The following THSD7B variants were observed in gnomAD, a reference collection of about 807,000 sequenced individuals.
The protein encoded by THSD7B is thrombospondin type 1 domain containing 7B.
THSD7B carries 138 observed loss-of-function variants against 213.6 expected under a neutral mutation model. That is an observed-to-expected ratio of 0.65 (90% CI 0.56 to 0.74). THSD7B has a LOEUF of 0.74. Among genes scored for constraint, THSD7B ranks in the 30% least tolerant of loss-of-function variants. The pLI is 0.00. For synonymous variants in THSD7B, 742 were observed against 687.0 expected (o/e 1.08, Z -1.25); for missense variants, 1,931 against 1,991.5 (o/e 0.97, Z 0.58).
chr2:137,549,589 C>T (rs1680807099), intron 15 of THSD7B, among the ~76,000 whole-genome samples: 2 of 152,042 alleles, frequency 1.3e-5, no homozygotes, highest in South Asian at 2.1e-4. Context: ...TACAATACAG[C>T]GTTGTTATCT....
At chr2:136,935,258 C>A (rs1021684691) in intron 2 of THSD7B, among the ~76,000 whole-genome samples, 1 of 152,000 alleles carries the variant, frequency 6.6e-6, no homozygotes, top group Non-Finnish European at 1.5e-5. Flanking sequence ...TTGAGTGAGA[C>A]CCTTTTGAAC....
chr2:137,036,699 AAT>A (rs1472704746), intron 2 of THSD7B, among the ~76,000 whole-genome samples: 5 of 152,142 alleles, frequency 3.3e-5, no homozygotes, highest in Non-Finnish European at 7.4e-5. Flanking sequence ...CAAGTAGGGG[AAT>A]ATTGCTGAAA....
chr2:136,941,096 A>G (rs908435844), intron 2 of THSD7B, among the ~76,000 whole-genome samples: 12 of 152,022 alleles, frequency 7.9e-5, no homozygotes, highest in African/African-American at 2.9e-4. Flanking sequence ...ATGAGTGAGA[A>G]CATGTGGTGT....
chr2:137,582,582 A>G (rs764765091), intron 17 of THSD7B, among the ~76,000 whole-genome samples: 1 of 147,814 alleles, frequency 6.8e-6, no homozygotes, highest in Non-Finnish European at 1.5e-5. Flanking sequence ...GAGTGAGAAC[A>G]TGTGGTGTTT....
At chr2:137,556,292 G>C (rs1680965092) in intron 15 of THSD7B, among the ~76,000 whole-genome samples, 1 of 152,192 alleles carries the variant, frequency 6.6e-6, no homozygotes, top group African/African-American at 2.4e-5. Flanking sequence ...CAGACAGAGA[G>C]AAAGGTCGGG....
intron 12 of THSD7B, among the ~76,000 whole-genome samples, chr2:137,364,531 G>T (rs1685358421): frequency 6.6e-6 from 1 of 152,184 alleles, no homozygotes; most frequent in African/African-American, 2.4e-5. Context: ...AAGCTGATAA[G>T]CAAGTTCAGC....
At chr2:136,835,140 T>A (rs1418459342) in intron 1 of THSD7B, among the ~76,000 whole-genome samples, 2 of 152,232 alleles carry the variant, frequency 1.3e-5, no homozygotes, top group African/African-American at 4.8e-5. Context: ...ACTCTATTTC[T>A]ATACAAAGCT....
intron 7 of THSD7B, among the ~76,000 whole-genome samples, chr2:137,196,407 G>A (rs910529012): frequency 4.9e-5 from 5 of 101,910 alleles, no homozygotes; most frequent in Non-Finnish European, 7.3e-5. Flanking sequence ...TTTTTTTGTG[G>A]CTGCCGTTTC....
chr2:137,505,824 G>A (rs1558820277), intron 15 of THSD7B, among the ~76,000 whole-genome samples: 3 of 152,186 alleles, frequency 2.0e-5, no homozygotes, highest in Admixed American at 6.5e-5. Context: ...CAGAGGGAGT[G>A]CAGGGACTGT....
intron 12 of THSD7B, among the ~76,000 whole-genome samples, chr2:137,319,498 CTATT>C (rs969390944): frequency 1.3e-5 from 2 of 152,200 alleles, no homozygotes; most frequent in Non-Finnish European, 2.9e-5. Context: ...CTGTGTCACA[CTATT>C]TATGTTCCCA....
intron 15 of THSD7B, among the ~76,000 whole-genome samples, chr2:137,542,756 T>C (rs975711558): frequency 6.6e-6 from 1 of 151,752 alleles, no homozygotes; most frequent in Admixed American, 6.6e-5. Flanking sequence ...ACTTACACTT[T>C]TTCATTTCAA....
At chr2:137,482,187 C>CAAAAA (rs5834555) in intron 15 of THSD7B, among the ~76,000 whole-genome samples, 1 of 132,642 alleles carries the variant, frequency 7.5e-6, no homozygotes, top group Non-Finnish European at 1.6e-5. Context: ...CCCTCCCCAC[C>CAAAAA]AAAAAAAAAA....
intron 14 of THSD7B, among the ~76,000 whole-genome samples, chr2:137,447,505 G>A (rs1281406654): frequency 6.6e-6 from 1 of 152,118 alleles, no homozygotes. Flanking sequence ...ATGAAGTAAT[G>A]TTGTGACTTC....
chr2:136,803,623 T>A (rs1383350155), intron 1 of THSD7B, among the ~76,000 whole-genome samples: 1 of 152,112 alleles, frequency 6.6e-6, no homozygotes, highest in African/African-American at 2.4e-5. Flanking sequence ...AACCAATAGG[T>A]TATATATAGA....
chr2:137,024,322 T>A (rs1686502960), intron 2 of THSD7B, among the ~76,000 whole-genome samples: 1 of 152,092 alleles, frequency 6.6e-6, no homozygotes, highest in African/African-American at 2.4e-5. Context: ...TGAGCTGGAA[T>A]TTGCTCTCTT....
intron 1 of THSD7B, among the ~76,000 whole-genome samples, chr2:136,797,757 A>G (rs1356438756): frequency 6.6e-6 from 1 of 151,896 alleles, no homozygotes; most frequent in African/African-American, 2.4e-5. Flanking sequence ...GTACCAAGTG[A>G]TGCTTGTTTC....
chr2:136,791,900 G>A (rs1014121348), intron 1 of THSD7B, among the ~76,000 whole-genome samples: 4 of 152,072 alleles, frequency 2.6e-5, no homozygotes, highest in Non-Finnish European at 5.9e-5. Flanking sequence ...TATATACCTA[G>A]GATTGGAATT....
chr2:137,486,015 C>G (rs551152878), intron 15 of THSD7B, among the ~76,000 whole-genome samples: 2,613 of 152,274 alleles, frequency 0.017, 95 homozygotes, highest in African/African-American at 0.061. Context: ...TGGAAAGGAA[C>G]AACCGGTACC....
At chr2:136,965,640 T>C (rs1685301490) in intron 2 of THSD7B, among the ~76,000 whole-genome samples, 1 of 152,196 alleles carries the variant, frequency 6.6e-6, no homozygotes, top group African/African-American at 2.4e-5. Context: ...CATTTCTCCT[T>C]GACATCTCTG....
Sources: allele counts gnomAD v4.1 joint callset (sites outside exome capture counted in the v4.1 genomes callset), GRCh38; gene constraint gnomAD v4.1.1; transcripts MANE v1.5; gene names NCBI Gene and HGNC (gene_info 2026-07-23, HGNC 2026-07-21).